The following CEP112 variants were observed in gnomAD, a reference collection of about 807,000 sequenced individuals.
CEP112 encodes the protein centrosomal protein of 112 kDa.
Under a neutral mutation model 153.0 loss-of-function variants are expected in CEP112, and 127 were observed. The observed-to-expected ratio is 0.83, with a 90% CI of 0.72 to 0.96. The LOEUF (loss-of-function observed/expected upper bound fraction) is 0.96. CEP112 is among the 40% of genes least tolerant of loss of function. The probability of loss-of-function intolerance (pLI) is 0.00; values close to 1 mark genes in which losing one functional copy is unlikely to be tolerated. For synonymous variants in CEP112, 358 were observed against 374.4 expected (o/e 0.96, Z 0.51); for missense variants, 1,089 against 1,101.2 (o/e 0.99, Z 0.16).
intron 16 of CEP112, among the ~76,000 whole-genome samples, chr17:66,017,677 A>T (rs947728482): frequency 6.6e-6 from 1 of 152,186 alleles, no homozygotes; most frequent in Non-Finnish European, 1.5e-5. Context: ...AAAAGAGAAC[A>T]GATCAATACT....
At chr17:65,715,457 T>A (rs1413524952) in intron 23 of CEP112, among the ~76,000 whole-genome samples, 3 of 145,080 alleles carry the variant, frequency 2.1e-5, no homozygotes, top group African/African-American at 2.5e-5. Context: ...ATAAAAGAAA[T>A]TTTTTTTTTT....
At chr17:65,812,341 C>T (rs1268827034) in intron 21 of CEP112, among the ~76,000 whole-genome samples, 1 of 152,150 alleles carries the variant, frequency 6.6e-6, no homozygotes, top group Non-Finnish European at 1.5e-5. Flanking sequence ...CTTACTTTCC[C>T]TTGATTTTTC....
At chr17:66,144,510 T>C (rs2146634835) in intron 4 of CEP112, among the ~76,000 whole-genome samples, 1 of 152,222 alleles carries the variant, frequency 6.6e-6, no homozygotes, top group East Asian at 1.9e-4. Context: ...CTGGCCATCA[T>C]CATGAAACCC....
At chr17:66,118,170 A>T (rs2069394566) in intron 6 of CEP112, among the ~76,000 whole-genome samples, 1 of 152,210 alleles carries the variant, frequency 6.6e-6, no homozygotes, top group African/African-American at 2.4e-5. Context: ...GTCTACATCC[A>T]AAAGAAAGGA....
chr17:65,863,574 T>C (rs958496364), intron 20 of CEP112, among the ~76,000 whole-genome samples: 1 of 148,172 alleles, frequency 6.7e-6, no homozygotes, highest in Non-Finnish European at 1.5e-5. Flanking sequence ...GAGACCACGG[T>C]GAAACCCCGT....
At chr17:65,747,647 T>C (rs2051555027) in intron 22 of CEP112, among the ~76,000 whole-genome samples, 1 of 152,048 alleles carries the variant, frequency 6.6e-6, no homozygotes, top group African/African-American at 2.4e-5. Context: ...CTCCATTCTT[T>C]TCTTAAGATA....
At chr17:65,821,016 T>G (rs1489957272) in intron 21 of CEP112, among the ~76,000 whole-genome samples, 1 of 151,984 alleles carries the variant, frequency 6.6e-6, no homozygotes. Flanking sequence ...GAAAATACCA[T>G]AGATGAATAT....
intron 12 of CEP112, among the ~76,000 whole-genome samples, chr17:66,047,797 T>C (rs2066275637): frequency 1.3e-5 from 2 of 152,252 alleles, no homozygotes; most frequent in Admixed American, 6.5e-5. Flanking sequence ...TTACAAAAGA[T>C]GTCCTAAAGA....
At chr17:65,644,847 T>C (rs976582770) in intron 24 of CEP112, among the ~76,000 whole-genome samples, 1 of 152,154 alleles carries the variant, frequency 6.6e-6, no homozygotes, top group African/African-American at 2.4e-5. Flanking sequence ...CCTCAGAACA[T>C]TTCTCCAGTG....
intron 24 of CEP112, among the ~76,000 whole-genome samples, chr17:65,657,878 T>C (rs2046138782): frequency 6.6e-6 from 1 of 152,192 alleles, no homozygotes; most frequent in Non-Finnish European, 1.5e-5. Context: ...TTAGTAAATA[T>C]TGTTTTAATG....
intron 12 of CEP112, among the ~76,000 whole-genome samples, chr17:66,035,159 A>T (rs1273185584): frequency 6.6e-6 from 1 of 151,406 alleles, no homozygotes; most frequent in Non-Finnish European, 1.5e-5. Context: ...AATTTTGACT[A>T]AGGAATTATT....
intron 18 of CEP112, among the ~76,000 whole-genome samples, chr17:65,957,651 A>G (rs974216774): frequency 6.6e-6 from 1 of 152,126 alleles, no homozygotes; most frequent in Admixed American, 6.5e-5. Flanking sequence ...CCATTTTACT[A>G]GAAAAATTTA....
chr17:65,907,874 T>C (rs1034864920), intron 19 of CEP112, among the ~76,000 whole-genome samples: 1 of 152,248 alleles, frequency 6.6e-6, no homozygotes, highest in Admixed American at 6.5e-5. Flanking sequence ...ATCTTCTTCA[T>C]GTTGGACTAG....
intron 17 of CEP112, among the ~76,000 whole-genome samples, chr17:65,977,944 A>G (rs2063096650): frequency 6.6e-6 from 1 of 151,984 alleles, no homozygotes; most frequent in South Asian, 2.1e-4. Context: ...ACATGGTGGC[A>G]GGCACCTGTA....
intron 6 of CEP112, among the ~76,000 whole-genome samples, chr17:66,112,871 G>A (rs138622088): frequency 0.017 from 2,576 of 152,242 alleles, 91 homozygotes; most frequent in African/African-American, 0.059. Flanking sequence ...GCTTGAACCC[G>A]AGAAGCGGAG....
At chr17:66,113,636 G>T (rs1270947854) in intron 6 of CEP112, among the ~76,000 whole-genome samples, 2 of 152,124 alleles carry the variant, frequency 1.3e-5, no homozygotes, top group Non-Finnish European at 2.9e-5. Flanking sequence ...AGAAGTTAAA[G>T]ACTCATTCTA....
At chr17:65,938,945 G>C (rs1050919546) in intron 18 of CEP112, among the ~76,000 whole-genome samples, 1 of 152,022 alleles carries the variant, frequency 6.6e-6, no homozygotes, top group African/African-American at 2.4e-5. Context: ...CTGAGTAGCT[G>C]GGATTACAGG....
At chr17:65,918,873 C>T (rs2060595307) in intron 19 of CEP112, among the ~76,000 whole-genome samples, 2 of 152,204 alleles carry the variant, frequency 1.3e-5, no homozygotes, top group East Asian at 3.8e-4. Flanking sequence ...TACTACTTCG[C>T]TGTTTTCACT....
intron 17 of CEP112, among the ~76,000 whole-genome samples, chr17:65,993,660 A>AT (rs1351532056): frequency 6.6e-6 from 1 of 152,226 alleles, no homozygotes; most frequent in Non-Finnish European, 1.5e-5. Context: ...TATTCAACAA[A>AT]TGAGCATGTA....
Sources: gnomAD v4.1 joint callset for allele counts (sites outside exome capture counted in the v4.1 genomes callset) on GRCh38, gnomAD v4.1.1 for gene constraint, MANE v1.5 for transcripts, NCBI Gene and HGNC (gene_info 2026-07-23, HGNC 2026-07-21) for gene names.